TEAD3: variants seen among roughly 807,000 people sequenced by gnomAD.
TEAD3 encodes the protein transcriptional enhancer factor TEF-5.
In TEAD3, 15 loss-of-function variants were observed where a neutral mutation model predicts 55.6. The ratio of observed to expected loss-of-function variants is 0.27; its 90% CI spans 0.18 to 0.42. The LOEUF (loss-of-function observed/expected upper bound fraction) is 0.42. TEAD3 is among the 10% of genes least tolerant of loss of function. The pLI is 1.00. For missense variants in TEAD3, 407 were observed against 576.8 expected (o/e 0.71, Z 3.01); for synonymous variants, 210 against 232.2 (o/e 0.90, Z 0.87).
At chr6:35,480,144 G>C in intron 3 of TEAD3, 168 bp downstream of exon 4, 6 of 1,548,894 alleles carry the variant, frequency 3.9e-6, no homozygotes, top group African/African-American at 1.4e-5. Flanking sequence ...GAAAGAAAGA[G>C]AAAAAGAACA....
At chr6:35,477,241 C>T (rs1481454617) in intron 8 of TEAD3, 70 bp downstream of exon 8, 14 of 1,549,890 alleles carry the variant, frequency 9.0e-6, no homozygotes, top group East Asian at 6.8e-5. Flanking sequence ...CAAACACACA[C>T]AGTTGGACCC....
Position 35,496,965 on chromosome 6 carries a change from G to C in TEAD3, c.-117C>G, listed in dbSNP as rs1768685497. On this transcript the variant is annotated 5_prime_UTR_variant, in exon 1 of 13. Transcript: ENST00000639578. This position sits in a 1 kb window ranked among gnomAD's most constrained non-coding sequence, Gnocchi z 4.8. ...CGGGCCCGAGGGAGCCGCAAGGGGG[G>C]CCGGGGAAGGGGGGTCGTGGGGAGG... is the stretch of plus-strand genomic sequence containing the variant. The C allele has an allele frequency of 6.6e-6, 1 of 151,932 alleles. No homozygotes were observed. Among genetic ancestry groups the C allele is most frequent in the East Asian group, 1.9e-4 (1 of 5,140 alleles). 9.4% of individuals were successfully genotyped at this position (151,932 alleles called of 1,614,324 possible). A position where few individuals can be genotyped will look rare whatever the true frequency, so the allele number is the denominator to read the frequency against.
At chr6:35,495,913 G>C (rs1282753029) in intron 1 of TEAD3, among the ~76,000 whole-genome samples, 3 of 152,222 alleles carry the variant, frequency 2.0e-5, no homozygotes, top group African/African-American at 7.2e-5. Flanking sequence ...CACAGAAGAA[G>C]ACAGCCCCTG....
At chr6:35,493,324 A>ACC (rs201689471) in intron 1 of TEAD3, among the ~76,000 whole-genome samples, 4,787 of 50,212 alleles carry the variant, frequency 0.095, 99 homozygotes, top group African/African-American at 0.22. Context: ...CATAGATGCC[A>ACC]CACGTCAGGG....
At position 35,476,372 on chromosome 6, in the gene TEAD3, G is replaced by A; in HGVS notation, c.656C>T (p.Thr219Ile). The A allele has an allele frequency of 6.2e-7, 1 of 1,612,936 alleles. No homozygotes were observed. Among genetic ancestry groups the A allele is most frequent in the South Asian group, 1.1e-5 (1 of 91,032 alleles). The change falls in exon 9 of 13, where the codon ACC becomes ATC. Residue 219 changes from threonine to isoleucine, a missense_variant. Physicochemically the swap from Thr to Ile is moderately conservative, Grantham distance 89 (BLOSUM62 -1). Transcript: ENST00000639578. ...GAGCCGCAGCCGGGAGGAGGCAATG[G>A]TACGGTCCTGCCACACAGGCACAGA...
chr6:35,477,764 C>T (rs1768181315), intron 7 of TEAD3, among the ~76,000 whole-genome samples: 1 of 152,044 alleles, frequency 6.6e-6, no homozygotes, highest in African/African-American at 2.4e-5. Flanking sequence ...AGATGGATGA[C>T]AAGTGGATGC....
At chr6:35,473,802 GCAAA>G, downstream of TEAD3, 1 of 152,526 alleles carries the variant, frequency 6.6e-6, no homozygotes, top group East Asian at 1.9e-4. Flanking sequence ...TGAGCGATAT[GCAAA>G]CAGTGAGGAC....
downstream of TEAD3, chr6:35,474,020 G>A (rs1768089158): frequency 6.6e-6 from 1 of 152,280 alleles, no homozygotes; most frequent in Non-Finnish European, 1.5e-5. Context: ...GGTAGATTGA[G>A]GTGGGGAAGA....
At chr6:35,479,215 A>G (rs1250128671) in intron 5 of TEAD3, 90 bp downstream of exon 5, 1 of 1,535,720 alleles carries the variant, frequency 6.5e-7, no homozygotes, top group East Asian at 2.3e-5. Flanking sequence ...ACACCTATTA[A>G]GTTGGTTTCA....
At position 35,491,267 on chromosome 6, in the gene TEAD3, G is replaced by A. The variant is rs1768512283; in HGVS notation, c.-49-4556C>T. Among the ~76,000 whole-genome samples the A allele has an allele frequency of 6.6e-6, 1 of 151,676 alleles. No individual in the cohort carries two copies. The highest frequency in any genetic ancestry group is 6.6e-5 in the Admixed American group (1 of 15,232). ...AGACTGACAGACAGAGCCGGTGGGG[G>A]GTGAAGGGAGAAGGGGAGAAGGAGG... is the stretch of plus-strand genomic sequence containing the variant. On this transcript the variant is annotated intron_variant, in intron 1 of 12. Transcript: ENST00000639578. The surrounding 1 kb of genome is among the most constrained non-coding windows in gnomAD (Gnocchi z 4.4).
rs1477831589 is a variant in TEAD3 at position 35,483,181 on chromosome 6, AC to A, written c.267+1378del. 6.6e-6 allele frequency among the ~76,000 whole-genome samples: 1 copy of A among 152,194 alleles called. No homozygotes were observed. The highest frequency in any genetic ancestry group is 1.5e-5 in the Non-Finnish European group (1 of 68,026). ...ATAAATTTGGTGCTGCATGAGCTAG[AC>A]TTAGGGAGGGTGGTTCATAAATGCT... On this transcript the variant is annotated intron_variant, in intron 3 of 12. Transcript: ENST00000639578. This position sits in a 1 kb window ranked among gnomAD's most constrained non-coding sequence, Gnocchi z 4.5.
At chr6:35,493,788 TACAC>T (rs1159011271) in intron 1 of TEAD3, among the ~76,000 whole-genome samples, 2 of 152,246 alleles carry the variant, frequency 1.3e-5, no homozygotes, top group Non-Finnish European at 2.9e-5. Flanking sequence ...CGCGCTCACA[TACAC>T]ACAGCATCGT....
Position 35,475,154 on chromosome 6 carries a change from C to A in TEAD3, c.1198G>T (p.Val400Phe), listed in dbSNP as rs893226490. 2 of 1,578,562 alleles carry A rather than the reference C, an allele frequency of 1.3e-6. No individual in the cohort carries two copies. Among genetic ancestry groups the A allele is most frequent in the Non-Finnish European group, 1.7e-6 (2 of 1,161,872 alleles). ...GTCTCCTGGGAGTCCCGGCTCGTGACCACCTGGGGGGTGAGCAGGTAAGAG... is the reference window on the plus strand; with the variant it reads ...GTCTCCTGGGAGTCCCGGCTCGTGAACACCTGGGGGGTGAGCAGGTAAGAG... Residue 400 changes from valine (V) to phenylalanine (F), a missense_variant, in exon 13 of 13, where the codon GTC (valine) becomes TTC (phenylalanine). By Grantham distance (50) the Val-to-Phe change is conservative. Coordinates refer to ENST00000639578, the Ensembl canonical transcript of TEAD3. The surrounding 1 kb of genome is among the most constrained non-coding windows in gnomAD (Gnocchi z 5.4).
Position 35,486,434 on chromosome 6 carries a change from G to A in TEAD3, c.202+27C>T. The A allele has an allele frequency of 6.3e-7, 1 of 1,596,178 alleles. No homozygotes were observed. Among genetic ancestry groups the A allele is most frequent in the East Asian group, 2.2e-5 (1 of 44,590 alleles). On this transcript the variant is annotated intron_variant, in intron 2 of 12. Transcript: ENST00000639578. The surrounding 1 kb of genome is among the most constrained non-coding windows in gnomAD (Gnocchi z 7.3). Reference sequence around the variant, plus strand: ...GCAGAGAGCAGGGGGAAGGGCCGCAGTCCCGCCCGCGCCCCCCGGCACGCA... The same window carrying A: ...GCAGAGAGCAGGGGGAAGGGCCGCAATCCCGCCCGCGCCCCCCGGCACGCA...
rs1768314151 is a variant in TEAD3, at chr6:35,483,876, G to A, written c.267+684C>T. ...TTCCCTATGCATCAGTTTCCTCATA[G>A]TAAAAAAGACAATTACTGTACCTAT... On this transcript the variant is annotated intron_variant, in intron 3 of 12. Transcript: ENST00000639578. The surrounding 1 kb of genome is among the most constrained non-coding windows in gnomAD (Gnocchi z 4.5). Among the ~76,000 whole-genome samples, 1 of 152,020 alleles carries A rather than the reference G, an allele frequency of 6.6e-6. No homozygotes were observed. The highest frequency in any genetic ancestry group is 2.1e-4 in the South Asian group (1 of 4,816).
At chr6:35,490,626 C>T (rs565263669) in intron 1 of TEAD3, among the ~76,000 whole-genome samples, 2 of 152,208 alleles carry the variant, frequency 1.3e-5, no homozygotes, top group Admixed American at 1.3e-4. Context: ...CTGCCCCCGT[C>T]TGGGGGCTGG....
downstream of TEAD3, chr6:35,474,843 C>G: frequency 1.8e-6 from 1 of 563,582 alleles, no homozygotes; most frequent in Non-Finnish European, 3.1e-6. Flanking sequence ...CTGAGCCCTC[C>G]TCTCCTCTCT....
chr6:35,478,942 T>C (rs1401912110), intron 5 of TEAD3, among the ~76,000 whole-genome samples: 1 of 148,658 alleles, frequency 6.7e-6, no homozygotes, highest in African/African-American at 2.5e-5. Flanking sequence ...TGCAGCGGCA[T>C]GATCTCGGCT....
rs147481989 is a variant in TEAD3 at position 35,483,956 on chromosome 6, G to A, written c.267+604C>T. On this transcript the variant is annotated intron_variant, in intron 3 of 12. Coordinates refer to ENST00000639578, the Ensembl canonical transcript of TEAD3. This position sits in a 1 kb window ranked among gnomAD's most constrained non-coding sequence, Gnocchi z 4.5. ...ATTAACTTAAAGGAAGCTCTGTATG[G>A]GTTTACCATGATTATTAGTTGTATA... 1.2e-3 allele frequency among the ~76,000 whole-genome samples: 188 copies of A among 152,232 alleles called. No homozygotes were observed. The highest frequency in any genetic ancestry group is 0.01 in the Middle Eastern group (3 of 294).
Sources: allele counts gnomAD v4.1 joint callset (sites outside exome capture counted in the v4.1 genomes callset), GRCh38; gene constraint gnomAD v4.1.1; non-coding constraint Gnocchi (gnomAD v3.1); transcripts MANE v1.5; gene names NCBI Gene and HGNC (gene_info 2026-07-23, HGNC 2026-07-21).